DOCK4: variants seen among roughly 807,000 people sequenced by gnomAD.
The protein encoded by DOCK4 is dedicator of cytokinesis protein 4.
A neutral mutation model predicts 268.1 loss-of-function variants in DOCK4; 97 were observed. The observed-to-expected ratio is 0.36, with a 90% CI of 0.31 to 0.43. DOCK4 has a LOEUF of 0.43. Among genes scored for constraint, DOCK4 ranks in the 20% least tolerant of loss-of-function variants. DOCK4 has a pLI of 1.00. For missense variants in DOCK4, 2,145 were observed against 2,455.7 expected (o/e 0.87, Z 2.67); for synonymous variants, 954 against 887.2 (o/e 1.08, Z -1.34).
Position 112,166,836 on chromosome 7 carries a change from C to CT in DOCK4, c.37+39265dup, listed in dbSNP as rs562411713. On this transcript the variant is annotated intron_variant, in intron 1 of 52. Transcript: ENST00000428084. The stretch of plus-strand genomic sequence containing the variant: ...ATAACTATATCTGTTTTAAATTCTT[C>CT]TTTTTTTTTTTAAGAGACAGAGTCT... 5.4e-3 allele frequency among the ~76,000 whole-genome samples: 780 copies of CT among 145,692 alleles called. 11 individuals are homozygous for CT. The highest frequency in any genetic ancestry group is 0.016 in the African/African-American group (658 of 39,884).
At chr7:111,731,790 T>C (rs1448037708) in intron 52 of DOCK4, among the ~76,000 whole-genome samples, 1 of 152,226 alleles carries the variant, frequency 6.6e-6, no homozygotes, top group Non-Finnish European at 1.5e-5. Flanking sequence ...CAAAATGGGT[T>C]TGGCTGACGA....
chr7:111,791,934 C>T (rs1289903850), intron 30 of DOCK4, among the ~76,000 whole-genome samples: 1 of 152,086 alleles, frequency 6.6e-6, no homozygotes, highest in African/African-American at 2.4e-5. Context: ...GTGGTCCCCC[C>T]AAAAGAATAT....
intron 1 of DOCK4, among the ~76,000 whole-genome samples, chr7:112,025,376 C>T (rs1445926614): frequency 2.6e-5 from 4 of 152,148 alleles, no homozygotes; most frequent in South Asian, 4.1e-4. Context: ...CGATTTATAC[C>T]GTGGGTTGGA....
chr7:111,762,538 T>TA (rs1276451060), intron 39 of DOCK4, among the ~76,000 whole-genome samples: 1 of 152,098 alleles, frequency 6.6e-6, no homozygotes, highest in African/African-American at 2.4e-5. Flanking sequence ...CCTTTCTTTT[T>TA]ATTGCTGAGT....
intron 1 of DOCK4, among the ~76,000 whole-genome samples, chr7:112,139,146 A>C (rs1200756219): frequency 6.6e-6 from 1 of 152,174 alleles, no homozygotes. Context: ...CGGTAGCTTC[A>C]ACAGTCGCTG....
At chr7:112,127,675 AAACAAC>A (rs1160535109) in intron 1 of DOCK4, among the ~76,000 whole-genome samples, 4 of 152,192 alleles carry the variant, frequency 2.6e-5, no homozygotes, top group African/African-American at 9.6e-5. Context: ...ATAAAAATAA[AAACAAC>A]AACAACAAAG....
chr7:111,747,225 C>T (rs1796337101), intron 43 of DOCK4, 42 bp downstream of exon 43: 1 of 1,579,010 alleles, frequency 6.3e-7, no homozygotes, highest in Admixed American at 1.8e-5. Context: ...TAAGAAGTCA[C>T]AATTGAAAAC....
At chr7:111,837,815 G>T (rs1306852632) in intron 25 of DOCK4, among the ~76,000 whole-genome samples, 1 of 152,086 alleles carries the variant, frequency 6.6e-6, no homozygotes, top group Non-Finnish European at 1.5e-5. Context: ...GGCTGGGCGT[G>T]GTGGCTCATG....
chr7:111,815,627 C>G, intron 27 of DOCK4, among the ~76,000 whole-genome samples: 1 of 148,816 alleles, frequency 6.7e-6, no homozygotes, highest in Middle Eastern at 3.2e-3. Flanking sequence ...TCCTTCCTTC[C>G]CCTCCCCCAT....
chr7:111,805,571 G>A (rs529446816), intron 30 of DOCK4, among the ~76,000 whole-genome samples: 2 of 152,258 alleles, frequency 1.3e-5, no homozygotes, highest in African/African-American at 4.8e-5. Flanking sequence ...ATTGCTCACA[G>A]GTTGCTAAGG....
chr7:112,004,221 T>C lies in DOCK4; in HGVS notation c.38-90A>G, dbSNP rs879103682. ...ATTGACTAGGAAAAATGAATATAAATAGGAAGTATAATTTGATAGCTGGAA... is the reference window on the plus strand; with the variant it reads ...ATTGACTAGGAAAAATGAATATAAACAGGAAGTATAATTTGATAGCTGGAA... On this transcript the variant is annotated intron_variant, in intron 1 of 52. Transcript: ENST00000428084. The C allele has an allele frequency of 1.0e-5, 10 of 965,930 alleles. No individual in the cohort carries two copies. The Admixed American group carries it at 1.5e-4, about 14-fold the overall frequency. 59.8% of individuals were successfully genotyped at this position (965,930 alleles called of 1,614,324 possible).
chr7:112,164,267 T>C (rs1331551180), intron 1 of DOCK4, among the ~76,000 whole-genome samples: 1 of 151,756 alleles, frequency 6.6e-6, no homozygotes, highest in Non-Finnish European at 1.5e-5. Context: ...TGAGACCCTG[T>C]CTCTAAAAAA....
intron 1 of DOCK4, among the ~76,000 whole-genome samples, chr7:112,024,178 T>C (rs1167335070): frequency 6.6e-6 from 1 of 152,224 alleles, no homozygotes; most frequent in East Asian, 1.9e-4. Flanking sequence ...AAATAATCAA[T>C]GTGCCTTAAA....
chr7:111,754,080 T>C (rs3801782), intron 42 of DOCK4, among the ~76,000 whole-genome samples: 35,470 of 152,204 alleles, frequency 0.23, 5,493 homozygotes, highest in East Asian at 0.58. Context: ...GAATCATTAA[T>C]GCAGCATGGA....
At chr7:111,933,229 C>CACATATATACGTATATAT (rs1208523406) in intron 12 of DOCK4, among the ~76,000 whole-genome samples, 2 of 134,764 alleles carry the variant, frequency 1.5e-5, no homozygotes, top group Non-Finnish European at 3.2e-5. Context: ...TACGTATATA[C>CACATATATACGTATATAT]ACATATATAC....
chr7:111,917,696 ACC>A lies in DOCK4; in HGVS notation c.1067-1794_1067-1793del, dbSNP rs1286033957. Among the ~76,000 whole-genome samples, 5 of 149,986 alleles carry A rather than the reference ACC, an allele frequency of 3.3e-5. No individual in the cohort carries two copies. The East Asian group carries it at 9.8e-4, about 29-fold the overall frequency. ...ACTGCAGCCTGGGTGACAGAGCGAG[ACC>A]CCATAATAAAAAAAAAAAAAAAGAT... On this transcript the variant is annotated intron_variant, in intron 12 of 52. Coordinates refer to ENST00000428084, the MANE Select transcript of DOCK4 (RefSeq NM_001363540.2).
chr7:112,130,869 G>A (rs958087426), intron 1 of DOCK4, among the ~76,000 whole-genome samples: 8 of 152,296 alleles, frequency 5.3e-5, no homozygotes, highest in African/African-American at 1.4e-4. Context: ...TTGAATTTGC[G>A]TGGGCAGTAA....
intron 22 of DOCK4, among the ~76,000 whole-genome samples, chr7:111,867,409 T>C (rs185694538): frequency 1.3e-5 from 2 of 152,252 alleles, no homozygotes; most frequent in East Asian, 3.9e-4. Context: ...TCATGGAACA[T>C]ATTCAAGGCC....
intron 1 of DOCK4, among the ~76,000 whole-genome samples, chr7:112,020,084 G>A (rs1215730167): frequency 6.6e-6 from 1 of 152,210 alleles, no homozygotes; most frequent in Non-Finnish European, 1.5e-5. Context: ...CAAGTACTGA[G>A]TGTTTCTCAA....
Sources: gnomAD v4.1 joint callset for allele counts (sites outside exome capture counted in the v4.1 genomes callset) on GRCh38, gnomAD v4.1.1 for gene constraint, MANE v1.5 for transcripts, NCBI Gene and HGNC (gene_info 2026-07-23, HGNC 2026-07-21) for gene names.